ROBO2: variants seen among roughly 807,000 people sequenced by gnomAD.
ROBO2 encodes the protein roundabout guidance receptor 2.
A neutral mutation model predicts 160.8 loss-of-function variants in ROBO2; 53 were observed. That is an observed-to-expected ratio of 0.33 (90% CI 0.26 to 0.41). The LOEUF (loss-of-function observed/expected upper bound fraction) is 0.41. ROBO2 is among the 10% of genes least tolerant of loss of function. The pLI is 1.00. For synonymous variants in ROBO2, 664 were observed against 611.7 expected (o/e 1.09, Z -1.26); for missense variants, 1,577 against 1,722.4 (o/e 0.92, Z 1.49).
At chr3:76,832,458 G>T (rs2067174073) in intron 2 of ROBO2, among the ~76,000 whole-genome samples, 1 of 152,076 alleles carries the variant, frequency 6.6e-6, no homozygotes, top group South Asian at 2.1e-4. Flanking sequence ...TAAAAAAACT[G>T]AGGAATGACA....
At chr3:77,602,658 ACCG>A (rs1559705600) in intron 20 of ROBO2, among the ~76,000 whole-genome samples, 167 bp downstream of exon 21, 4 of 145,834 alleles carry the variant, frequency 2.7e-5, no homozygotes, top group African/African-American at 1.0e-4. Flanking sequence ...TACCACCACC[ACCG>A]CCACCACCAC....
At chr3:76,666,012 CATATTATATATT>C (rs2092025915) in intron 2 of ROBO2, among the ~76,000 whole-genome samples, 1 of 115,804 alleles carries the variant, frequency 8.6e-6, no homozygotes, top group Admixed American at 9.0e-5. Context: ...ATAATATATA[CATATTATATATT>C]ATATATATTA....
At chr3:77,353,105 A>ATC (rs76094494) in intron 2 of ROBO2, among the ~76,000 whole-genome samples, 1 of 116,950 alleles carries the variant, frequency 8.6e-6, no homozygotes, top group African/African-American at 3.2e-5. Flanking sequence ...TCATAGTTTA[A>ATC]AAATTTATTT....
intron 2 of ROBO2, among the ~76,000 whole-genome samples, chr3:77,217,378 G>A (rs2085118845): frequency 6.6e-6 from 1 of 152,052 alleles, no homozygotes; most frequent in Non-Finnish European, 1.5e-5. Flanking sequence ...CCTGGCCTCA[G>A]GTGATCTACC....
intron 2 of ROBO2, among the ~76,000 whole-genome samples, chr3:76,447,360 T>G (rs999839538): frequency 3.2e-4 from 48 of 151,746 alleles, no homozygotes; most frequent in African/African-American, 1.0e-3. Context: ...TCACACCCGT[T>G]AGAATGGCGA....
At chr3:77,371,476 A>G (rs762925922) in intron 2 of ROBO2, among the ~76,000 whole-genome samples, 2 of 152,156 alleles carry the variant, frequency 1.3e-5, no homozygotes, top group African/African-American at 4.8e-5. Context: ...TCTCATTATA[A>G]ATGAGAACTT....
chr3:75,942,544 G>T (rs1373480522), intron 2 of ROBO2, among the ~76,000 whole-genome samples: 1 of 152,018 alleles, frequency 6.6e-6, no homozygotes, highest in East Asian at 1.9e-4. Flanking sequence ...TGTTACCTAG[G>T]TCATTTTAGT....
At chr3:77,037,245 A>G (rs757287593), upstream of ROBO2, among the ~76,000 whole-genome samples, 8 of 152,220 alleles carry the variant, frequency 5.3e-5, no homozygotes, top group Non-Finnish European at 7.3e-5. Context: ...AGACACTGAC[A>G]GAGCATTCTT....
intron 2 of ROBO2, among the ~76,000 whole-genome samples, chr3:76,535,995 A>T (rs1269375545): frequency 6.6e-6 from 1 of 152,096 alleles, no homozygotes; most frequent in Admixed American, 6.5e-5. Flanking sequence ...AGTGGCTGCA[A>T]TATTAGTTGG....
chr3:76,272,201 C>T (rs924943849), intron 2 of ROBO2, among the ~76,000 whole-genome samples: 13 of 152,118 alleles, frequency 8.5e-5, no homozygotes, highest in African/African-American at 2.9e-4. Flanking sequence ...TGTAAAGTAG[C>T]GCTTGTCAAG....
intron 2 of ROBO2, among the ~76,000 whole-genome samples, chr3:76,995,239 G>C (rs1293526459): frequency 4.0e-5 from 6 of 151,846 alleles, no homozygotes; most frequent in Admixed American, 3.9e-4. Flanking sequence ...TGAGAATGAT[G>C]GTTTCCAGCT....
intron 5 of ROBO2, among the ~76,000 whole-genome samples, chr3:77,515,839 A>G (rs989884378): frequency 1.3e-5 from 2 of 151,708 alleles, no homozygotes; most frequent in African/African-American, 2.4e-5. Flanking sequence ...GGCACTGGAT[A>G]ACAAAGAACT....
intron 24 of ROBO2, among the ~76,000 whole-genome samples, chr3:77,639,426 T>A (rs561965810): frequency 6.6e-6 from 1 of 152,036 alleles, no homozygotes; most frequent in East Asian, 1.9e-4. Context: ...AGTTGAGAAG[T>A]ATAGGTGTAG....
Position 77,644,833 on chromosome 3 carries a change from G to T in ROBO2, c.4064G>T (p.Arg1355Leu), listed in dbSNP as rs771581041. The T allele has an allele frequency of 6.2e-7, 1 of 1,614,090 alleles. No homozygotes were observed. The highest frequency in any genetic ancestry group is 8.5e-7 in the Non-Finnish European group (1 of 1,179,982). Residue 1355 changes from arginine to leucine, a missense_variant, in exon 25 of 26, where the codon CGC becomes CTC. By Grantham distance (102) the Arg-to-Leu change is moderately radical. Transcript: ENST00000461745. Reference sequence around the variant, plus strand: ...GAGGTGTTGAGAGCAGGCCACCAGCGCAATGCCAGCGACCTTCTTGACATA... The same window carrying T: ...GAGGTGTTGAGAGCAGGCCACCAGCTCAATGCCAGCGACCTTCTTGACATA...
intron 2 of ROBO2, among the ~76,000 whole-genome samples, chr3:77,260,287 G>T (rs1318328256): frequency 6.6e-6 from 1 of 152,056 alleles, no homozygotes; most frequent in African/African-American, 2.4e-5. Context: ...TGAAATAGAA[G>T]ATATACATTA....
chr3:77,227,226 C>T (rs1036986626), intron 2 of ROBO2, among the ~76,000 whole-genome samples: 1 of 151,962 alleles, frequency 6.6e-6, no homozygotes, highest in East Asian at 1.9e-4. Context: ...AAGCAAGAAA[C>T]ATGGGCTAAA....
chr3:76,718,194 T>G (rs2093412375), intron 2 of ROBO2, among the ~76,000 whole-genome samples: 1 of 152,194 alleles, frequency 6.6e-6, no homozygotes, highest in Non-Finnish European at 1.5e-5. Flanking sequence ...TGCTAAAGGA[T>G]TTTTGTGACA....
intron 2 of ROBO2, among the ~76,000 whole-genome samples, chr3:76,881,002 C>T (rs1236780734): frequency 6.6e-6 from 1 of 152,144 alleles, no homozygotes; most frequent in African/African-American, 2.4e-5. Context: ...CTGCAGGTGT[C>T]TCTAATCACT....
intron 2 of ROBO2, among the ~76,000 whole-genome samples, chr3:76,408,737 A>T (rs2075339771): frequency 6.6e-6 from 1 of 152,094 alleles, no homozygotes; most frequent in African/African-American, 2.4e-5. Context: ...TAAAAGATAG[A>T]TAAAATTGCT....
Sources: gnomAD v4.1 joint callset for allele counts (sites outside exome capture counted in the v4.1 genomes callset) on GRCh38, gnomAD v4.1.1 for gene constraint, MANE v1.5 for transcripts, NCBI Gene and HGNC (gene_info 2026-07-23, HGNC 2026-07-21) for gene names.